ADGRB3: variants seen among roughly 807,000 people sequenced by gnomAD.
The protein encoded by ADGRB3 is adhesion G protein-coupled receptor B3, also known as brain-specific angiogenesis inhibitor 3.
ADGRB3 carries 37 observed loss-of-function variants against 193.4 expected under a neutral mutation model. The ratio of observed to expected loss-of-function variants is 0.19; its 90% CI spans 0.15 to 0.25. The LOEUF is 0.25. Ranked by LOEUF, ADGRB3 falls within the 10% of genes least tolerant of loss-of-function variation. The pLI is 1.00. For missense variants in ADGRB3, 1,637 were observed against 1,852.9 expected, an observed-to-expected ratio of 0.88 and a Z score of 2.14; for synonymous variants, 690 against 644.2, an observed-to-expected ratio of 1.07 and a Z score of -1.08.
In ADGRB3 at chr6:69,318,855, A is replaced by G. The variant is rs920913018; in HGVS notation, c.2815-6017A>G. On this transcript the variant is annotated intron_variant, in intron 20 of 31. Transcript: ENST00000370598. ...GTGTGTGTATATATATATAATATGT[A>G]TAACTGTATATATATATATATGTAT... Among the ~76,000 whole-genome samples, 10 of 118,282 alleles carry G rather than the reference A, an allele frequency of 8.5e-5. No homozygotes were observed. In the Middle Eastern group the frequency reaches 0.014, roughly 160 times the overall value. 77.6% of individuals were successfully genotyped at this position (118,282 alleles called of 152,430 possible). A position where few individuals can be genotyped will look rare whatever the true frequency, so the allele number is the denominator to read the frequency against.
chr6:68,716,426 C>A (rs1317031778), intron 3 of ADGRB3, among the ~76,000 whole-genome samples: 1 of 151,494 alleles, frequency 6.6e-6, no homozygotes, highest in Non-Finnish European at 1.5e-5. Context: ...AAGTTCTCTT[C>A]AACTGTGGGC....
intron 3 of ADGRB3, among the ~76,000 whole-genome samples, chr6:68,891,996 G>C (rs1766090906): frequency 6.6e-6 from 1 of 152,170 alleles, no homozygotes; most frequent in Non-Finnish European, 1.5e-5. Flanking sequence ...TGTCCATACT[G>C]TCCAGTCTGG....
intron 13 of ADGRB3, among the ~76,000 whole-genome samples, chr6:69,026,249 G>A (rs1005495878): frequency 6.6e-6 from 1 of 152,178 alleles, no homozygotes; most frequent in Non-Finnish European, 1.5e-5. Context: ...AGTGGTTAAC[G>A]AGTCAAGAGA....
At chr6:69,159,055 A>G (rs1273858893) in intron 17 of ADGRB3, among the ~76,000 whole-genome samples, 1 of 152,032 alleles carries the variant, frequency 6.6e-6, no homozygotes, top group Non-Finnish European at 1.5e-5. Flanking sequence ...ACACTGAGAA[A>G]CTGTGGCTTT....
In ADGRB3 at chr6:69,018,126, G is replaced by A. The variant is rs568294855; in HGVS notation, c.1999-265G>A. ...AAAAGAAAAGTCGTCTATTTTTTGA[G>A]GAGACAATCTGTTAGATATTTTGAG... On this transcript the variant is annotated intron_variant, in intron 12 of 31. Transcript: ENST00000370598. Among the ~76,000 whole-genome samples, 6 of 151,898 alleles carry A rather than the reference G, an allele frequency of 4.0e-5. No homozygotes were observed. In the South Asian group the frequency reaches 1.0e-3, roughly 26 times the overall value.
At chr6:69,226,467 C>T (rs2127253192) in intron 17 of ADGRB3, among the ~76,000 whole-genome samples, 1 of 152,272 alleles carries the variant, frequency 6.6e-6, no homozygotes, top group East Asian at 1.9e-4. Flanking sequence ...TACCTGTCCT[C>T]ATGATATGTA....
At chr6:68,693,388 T>G (rs1020347582) in intron 3 of ADGRB3, among the ~76,000 whole-genome samples, 1 of 150,942 alleles carries the variant, frequency 6.6e-6, no homozygotes, top group Non-Finnish European at 1.5e-5. Context: ...TGAAATAATG[T>G]TTTTAGAAGG....
intron 3 of ADGRB3, among the ~76,000 whole-genome samples, chr6:68,843,768 A>G (rs974829840): frequency 6.6e-6 from 1 of 152,146 alleles, no homozygotes; most frequent in Non-Finnish European, 1.5e-5. Flanking sequence ...CCTGACTTCA[A>G]ATTAAACTAC....
At chr6:68,709,707 C>T (rs1379042405) in intron 3 of ADGRB3, among the ~76,000 whole-genome samples, 1 of 152,050 alleles carries the variant, frequency 6.6e-6, no homozygotes, top group Non-Finnish European at 1.5e-5. Context: ...TCATTTCCAT[C>T]AAGGACATAG....
intron 26 of ADGRB3, among the ~76,000 whole-genome samples, chr6:69,344,606 C>G (rs1416602328): frequency 3.9e-5 from 6 of 152,116 alleles, no homozygotes; most frequent in Admixed American, 3.9e-4. Context: ...TGTAAAGGGT[C>G]CATATTGCAT....
chr6:69,014,867 C>T (rs1259786406), intron 12 of ADGRB3, among the ~76,000 whole-genome samples: 1 of 151,616 alleles, frequency 6.6e-6, no homozygotes, highest in Non-Finnish European at 1.5e-5. Flanking sequence ...TGAACATTTA[C>T]TGAGGTTCGG....
At chr6:68,864,057 A>G (rs1446572843) in intron 3 of ADGRB3, among the ~76,000 whole-genome samples, 1 of 152,012 alleles carries the variant, frequency 6.6e-6, no homozygotes, top group Non-Finnish European at 1.5e-5. Flanking sequence ...TTTATAATTT[A>G]TTTCTTCTCT....
chr6:68,867,651 T>C (rs1203679991), intron 3 of ADGRB3, among the ~76,000 whole-genome samples: 3 of 152,090 alleles, frequency 2.0e-5, no homozygotes, highest in Non-Finnish European at 4.4e-5. Flanking sequence ...ACACAGCCCA[T>C]GAAAGCAGCC....
intron 16 of ADGRB3, among the ~76,000 whole-genome samples, chr6:69,069,480 C>G (rs71557604): frequency 2.3e-5 from 3 of 130,402 alleles, no homozygotes; most frequent in Non-Finnish European, 4.7e-5. Flanking sequence ...GAGGCTGAGG[C>G]GGGTGGATCA....
chr6:68,848,653 G>C (rs1746095698), intron 3 of ADGRB3, among the ~76,000 whole-genome samples: 1 of 151,850 alleles, frequency 6.6e-6, no homozygotes, highest in Non-Finnish European at 1.5e-5. Context: ...GTGTTATTAA[G>C]TCTAAATTCT....
At chr6:69,184,053 T>G (rs1471368597) in intron 17 of ADGRB3, among the ~76,000 whole-genome samples, 1 of 152,236 alleles carries the variant, frequency 6.6e-6, no homozygotes, top group African/African-American at 2.4e-5. Flanking sequence ...GGTAAAAAAT[T>G]TTTAACTTTT....
At position 69,289,020 on chromosome 6, in the gene ADGRB3, C is replaced by T. The variant is rs956178377; in HGVS notation, c.2815-35852C>T. ...GTTTATTCCCTTTGTGTTCTATTTG[C>T]GTTATAAAAAGATAGCTAATGAAAT... On this transcript the variant is annotated intron_variant, in intron 20 of 31. Coordinates refer to ENST00000370598, the MANE Select transcript of ADGRB3 (RefSeq NM_001704.3). Among the ~76,000 whole-genome samples, 8 of 152,124 alleles carry T rather than the reference C, an allele frequency of 5.3e-5. No homozygotes were observed. In the South Asian group the frequency reaches 6.2e-4, roughly 12 times the overall value.
rs573462181 is a variant in ADGRB3, at chr6:68,914,655, C to T, written c.758-15904C>T. On this transcript the variant is annotated intron_variant, in intron 3 of 31. Transcript: ENST00000370598. ...ATGAACTAACAAGCAAAATAACCAG[C>T]TAACATCATAATGACAGGATCAAAT... Among the ~76,000 whole-genome samples the T allele has an allele frequency of 3.3e-5, 5 of 152,200 alleles. No homozygotes were observed. In the South Asian group the frequency reaches 1.0e-3, roughly 32 times the overall value.
chr6:69,083,455 A>G (rs569869012), intron 17 of ADGRB3, among the ~76,000 whole-genome samples: 4 of 152,178 alleles, frequency 2.6e-5, no homozygotes, highest in Non-Finnish European at 5.9e-5. Context: ...TCTGGCACAT[A>G]TATCAGTGAA....
Sources: allele counts gnomAD v4.1 joint callset (sites outside exome capture counted in the v4.1 genomes callset), GRCh38; gene constraint gnomAD v4.1.1; transcripts MANE v1.5; gene names NCBI Gene and HGNC (gene_info 2026-07-23, HGNC 2026-07-21).